Variants in VPS8 observed in about 807,000 individuals in gnomAD.
The protein encoded by VPS8 is VPS8 subunit of CORVET complex.
VPS8 carries 129 observed loss-of-function variants against 216.4 expected under a neutral mutation model. The ratio of observed to expected loss-of-function variants is 0.60; its 90% confidence interval spans 0.52 to 0.69. The LOEUF (loss-of-function observed/expected upper bound fraction) is 0.69. Among genes scored for constraint, VPS8 ranks in the 30% least tolerant of loss-of-function variants. VPS8 has a pLI of 0.00. For synonymous variants in VPS8, 571 were observed against 565.4 expected (o/e 1.01, Z -0.14); for missense variants, 1,531 against 1,683.5 (o/e 0.91, Z 1.59).
chr3:184,923,936 T>C (rs1333525611), intron 29 of VPS8, among the ~76,000 whole-genome samples: 1 of 152,236 alleles, frequency 6.6e-6, no homozygotes, highest in Non-Finnish European at 1.5e-5. Flanking sequence ...TCTGTAATCA[T>C]TTGTGCCCTT....
At position 184,849,188 on chromosome 3, in the gene VPS8, AAGGAC is replaced by A. The variant is rs1175339343; in HGVS notation, c.663_666+1del. ...TCAAGACTTCTTTGTGGCTTTGCTA[AAGGAC>A]AGGTAAGATATGAACCTCCTTTAAT... On this transcript the variant is annotated frameshift_variant and splice_region_variant, in exon 9 of 48. Transcript: ENST00000625842. LOFTEE classifies it high-confidence loss of function. The A allele has an allele frequency of 1.9e-6, 3 of 1,612,902 alleles. No individual in the cohort carries two copies. In the African/African-American group the frequency reaches 4.0e-5, roughly 22 times the overall value.
At chr3:185,002,734 A>C (rs1753585131) in intron 45 of VPS8, among the ~76,000 whole-genome samples, 1 of 152,242 alleles carries the variant, frequency 6.6e-6, no homozygotes, top group Non-Finnish European at 1.5e-5. Context: ...TACTTCACTT[A>C]GAATAATGGT....
chr3:184,904,290 T>G (rs1735090827), intron 25 of VPS8, among the ~76,000 whole-genome samples: 1 of 152,216 alleles, frequency 6.6e-6, no homozygotes, highest in African/African-American at 2.4e-5. Flanking sequence ...ATGGACGTCT[T>G]TTTGTTTTCC....
At chr3:184,844,135 G>A (rs1478329656) in intron 8 of VPS8, among the ~76,000 whole-genome samples, 2 of 152,046 alleles carry the variant, frequency 1.3e-5, no homozygotes, top group East Asian at 3.9e-4. Flanking sequence ...TAAAGGATAA[G>A]AAAAGGCTGG....
chr3:184,964,830 A>G (rs1453366365), intron 38 of VPS8, among the ~76,000 whole-genome samples: 2 of 152,162 alleles, frequency 1.3e-5, no homozygotes, highest in Non-Finnish European at 2.9e-5. Context: ...CTGTTTGCCC[A>G]TTCCTCCTTC....
intron 42 of VPS8, among the ~76,000 whole-genome samples, chr3:184,990,732 C>T (rs958186269): frequency 2.0e-5 from 3 of 152,194 alleles, no homozygotes; most frequent in Non-Finnish European, 4.4e-5. Context: ...AGGCGTTTCT[C>T]ATACCCACCT....
chr3:184,887,355 A>G (rs1020020618), intron 22 of VPS8, among the ~76,000 whole-genome samples: 8 of 152,222 alleles, frequency 5.3e-5, no homozygotes, highest in African/African-American at 1.9e-4. Flanking sequence ...TCAAGAATAA[A>G]TAAAATAAAA....
At position 184,824,729 on chromosome 3, in the gene VPS8, C is replaced by T. The variant is rs1718345172; in HGVS notation, c.97C>T (p.Leu33Phe). 6.2e-7 allele frequency: 1 copy of T among 1,613,586 alleles called. No homozygotes were observed. Among genetic ancestry groups the T allele is most frequent in the South Asian group, 1.1e-5 (1 of 91,048 alleles). Residue 33 changes from leucine (L) to phenylalanine (F), a missense_variant, in exon 2 of 48, where the codon CTT becomes TTT. Coordinates refer to ENST00000625842, the MANE Select transcript of VPS8 (RefSeq NM_001009921.3). The part of the protein sequence containing the change: ...LNKSFNLEAS[L>F]SKFSYIDMDK... ...TAAGTCTTTCAATCTAGAAGCTTCA[C>T]TTTCAAAATTCTCTTACATAGATAT...
chr3:185,043,804 G>A (rs73190920), intron 46 of VPS8, among the ~76,000 whole-genome samples: 3,127 of 152,266 alleles, frequency 0.021, 45 homozygotes, highest in Non-Finnish European at 0.028. Flanking sequence ...CAGAAGGAGG[G>A]CAGGTGTCCG....
intron 37 of VPS8, among the ~76,000 whole-genome samples, chr3:184,963,872 C>T (rs1195966443): frequency 6.6e-6 from 1 of 151,946 alleles, no homozygotes; most frequent in Non-Finnish European, 1.5e-5. Flanking sequence ...TTTATTGAGA[C>T]TATCATGTTT....
Position 184,849,147 on chromosome 3 carries a change from T to C in VPS8, c.618T>C (p.Ser206=). 1 of 1,613,686 alleles carries C rather than the reference T, an allele frequency of 6.2e-7. No individual in the cohort carries two copies. The highest frequency in any genetic ancestry group is 8.5e-7 in the Non-Finnish European group (1 of 1,179,646). The change falls in exon 9 of 48, where the codon AGT becomes AGC. Residue 206 remains serine, a synonymous_variant. Coordinates refer to ENST00000625842, the MANE Select transcript of VPS8 (RefSeq NM_001009921.3). ...GGQYGAISAL[S]INNDCSRLLC... is the part of the protein sequence containing the mutation. ...AGTATGGCGCTATCTCTGCCCTCAG[T>C]ATCAACAATGATTGCTCAAGACTTC...
At chr3:185,029,239 A>T (rs550568899) in intron 46 of VPS8, among the ~76,000 whole-genome samples, 2 of 152,360 alleles carry the variant, frequency 1.3e-5, no homozygotes, top group South Asian at 4.1e-4. Context: ...GCATTGACAG[A>T]TGGAAGCAGC....
chr3:184,988,957 T>C (rs999123972), intron 42 of VPS8, among the ~76,000 whole-genome samples: 3 of 152,246 alleles, frequency 2.0e-5, no homozygotes, highest in African/African-American at 7.2e-5. Context: ...TGCTGGCATA[T>C]TGGAAACCAA....
chr3:184,961,872 T>C (rs1746588729), intron 37 of VPS8, among the ~76,000 whole-genome samples: 1 of 152,192 alleles, frequency 6.6e-6, no homozygotes. Context: ...ATTCAAGTGA[T>C]TCTCCTACCT....
chr3:185,010,956 TC>T (rs1754931236), intron 45 of VPS8, among the ~76,000 whole-genome samples: 1 of 151,842 alleles, frequency 6.6e-6, no homozygotes, highest in Admixed American at 6.6e-5. Flanking sequence ...CTGTGATTGT[TC>T]CATGGGACTC....
At chr3:184,944,042 C>T (rs1395284032) in intron 36 of VPS8, among the ~76,000 whole-genome samples, 1 of 25,008 alleles carries the variant, frequency 4.0e-5, no homozygotes. Flanking sequence ...GCAGAGGTTG[C>T]ACACACACAC....
At chr3:184,892,586 G>T (rs1467550855) in intron 22 of VPS8, among the ~76,000 whole-genome samples, 1 of 152,158 alleles carries the variant, frequency 6.6e-6, no homozygotes, top group African/African-American at 2.4e-5. Context: ...AGAATGATGA[G>T]AATTTGTCGT....
At chr3:184,849,772 C>G (rs577106613) in intron 9 of VPS8, 164 bp from the exon 10 acceptor site, 3 of 620,662 alleles carry the variant, frequency 4.8e-6, no homozygotes, top group Non-Finnish European at 8.5e-6. Flanking sequence ...AATAAAGGCT[C>G]TATGCTTTAA....
At position 184,863,039 on chromosome 3, in the gene VPS8, C is replaced by T. The variant is rs745728872; in HGVS notation, c.1367C>T (p.Ala456Val). Reference protein sequence around the residue: ...VYNSSHFKSLATGGNVSQALA... With the variant: ...VYNSSHFKSLVTGGNVSQALA... ...AATAGCAGCCATTTCAAATCACTAGCCACTGGAGGAAATGTTAGCCAGGCA... is the reference window on the plus strand; with the variant it reads ...AATAGCAGCCATTTCAAATCACTAGTCACTGGAGGAAATGTTAGCCAGGCA... Residue 456 changes from alanine (A) to valine (V), a missense_variant, in exon 16 of 48, where the codon GCC becomes GTC. Around this residue, in one of 3 missense-constraint regions of VPS8, gnomAD observed 1,318 missense variants for 1,468.4 expected, o/e 0.90. Coordinates refer to ENST00000625842, the MANE Select transcript of VPS8 (RefSeq NM_001009921.3). The T allele has an allele frequency of 6.2e-7, 1 of 1,613,724 alleles. No homozygotes were observed. The highest frequency in any genetic ancestry group is 8.5e-7 in the Non-Finnish European group (1 of 1,179,796).
Sources: gnomAD v4.1 joint callset for allele counts (sites outside exome capture counted in the v4.1 genomes callset) on GRCh38, gnomAD v4.1.1 for gene constraint, gnomAD v4.1.1 regional missense constraint, MANE v1.5 for transcripts, NCBI Gene and HGNC (gene_info 2026-07-23, HGNC 2026-07-21) for gene names.